NARS1: variants seen among roughly 807,000 people sequenced by gnomAD.
NARS1 encodes asparagine--tRNA ligase, cytoplasmic.
Under a neutral mutation model 79.2 loss-of-function variants are expected in NARS1, and 65 were observed. The ratio of observed to expected loss-of-function variants is 0.82; its 90% CI spans 0.67 to 1.01. The LOEUF is 1.01. Among genes scored for constraint, NARS1 ranks in the 50% least tolerant of loss-of-function variants. The probability of loss-of-function intolerance (pLI) is 0.00; values close to 1 mark genes in which losing one functional copy is unlikely to be tolerated. For synonymous variants in NARS1, 229 were observed against 238.8 expected, an observed-to-expected ratio of 0.96 and a Z score of 0.38; for missense variants, 649 against 673.8, an observed-to-expected ratio of 0.96 and a Z score of 0.41.
chr18:57,620,694 T>C (rs1376597044), intron 1 of NARS1, 43 bp from the exon 2 acceptor site: 5 of 1,201,068 alleles, frequency 4.2e-6, no homozygotes, highest in Non-Finnish European at 4.9e-6. Flanking sequence ...GGCCATTAAC[T>C]ATTAGTCACC....
In NARS1 at chr18:57,615,818, T is replaced by G; in HGVS notation, c.251A>C (p.Glu84Ala). Residue 84 changes from glutamate to alanine, a missense_variant and splice_region_variant, in exon 3 of 14, where the codon GAG (glutamate) becomes GCG (alanine). By Grantham distance (107) the Glu-to-Ala change is moderately radical (BLOSUM62 -1). Coordinates refer to ENST00000256854, the MANE Select transcript of NARS1 (RefSeq NM_004539.4). ...CACGATGGCAAGGTCAGGACTCACC[T>G]CTTTCTTTTCCCGGGATTCACTCTT... ...QMKSESREKK[E>A]AEDSLRREKN... 1.2e-6 allele frequency: 2 copies of G among 1,611,978 alleles called. No homozygotes were observed. The highest frequency in any genetic ancestry group is 1.1e-5 in the South Asian group (1 of 90,510).
chr18:57,621,348 G>GC (rs1908293936), intron 1 of NARS1, among the ~76,000 whole-genome samples: 1 of 150,446 alleles, frequency 6.6e-6, no homozygotes, highest in South Asian at 2.1e-4. Context: ...GAATCCTAAA[G>GC]CCCCTTCCTG....
chr18:57,603,753 TC>T (rs751425870), intron 11 of NARS1, among the ~76,000 whole-genome samples: 1 of 149,640 alleles, frequency 6.7e-6, no homozygotes, highest in Non-Finnish European at 1.5e-5. Context: ...AGCTCCAGGC[TC>T]TGGAGCCCTT....
chr18:57,621,619 T>A (rs1487330539), intron 1 of NARS1, 89 bp downstream of exon 1: 14 of 915,852 alleles, frequency 1.5e-5, no homozygotes, highest in Non-Finnish European at 2.3e-5. Flanking sequence ...CCCACTCTGG[T>A]AGGCACTAAG....
Position 57,602,338 on chromosome 18 carries a change from T to TA in NARS1, c.1515+16dup, listed in dbSNP as rs1568161892. 1 of 1,605,314 alleles carries TA rather than the reference T, an allele frequency of 6.2e-7. No homozygotes were observed. Among genetic ancestry groups the TA allele is most frequent in the South Asian group, 1.1e-5 (1 of 89,398 alleles). ...ACAGTGGAAAAAAATGTTGAGTACT[T>TA]AAAAAATTGGTTTTACCTGATCCGT... On this transcript the variant is annotated intron_variant, in intron 13 of 13. Coordinates refer to ENST00000256854, the MANE Select transcript of NARS1 (RefSeq NM_004539.4).
Position 57,620,589 on chromosome 18 carries a change from G to A in NARS1, c.73C>T (p.Pro25Ser). 6.2e-7 allele frequency: 1 copy of A among 1,612,436 alleles called. No homozygotes were observed. Among genetic ancestry groups the A allele is most frequent in the Non-Finnish European group, 8.5e-7 (1 of 1,179,040 alleles). The part of the protein sequence containing the change: ...DATGDGTKEK[P>S]FKTGLKALMT... ...TCTACCTTTAGACCTGTTTTAAATG[G>A]TTTCTCCTTGGTTCCATCTCCCGTG... The change falls in exon 2 of 14, where the codon CCA becomes TCA. Residue 25 changes from proline to serine, a missense_variant. Pro to Ser is a moderately conservative substitution (Grantham distance 74, BLOSUM62 -1). Transcript: ENST00000256854.
At chr18:57,606,539 C>T (rs2051558607) in intron 10 of NARS1, 77 bp downstream of exon 10, 2 of 1,448,594 alleles carry the variant, frequency 1.4e-6, no homozygotes, top group Non-Finnish European at 1.9e-6. Flanking sequence ...ATCAAATCTA[C>T]AAAAACTGAG....
At position 57,609,453 on chromosome 18, in the gene NARS1, G is replaced by C. The variant is rs201778059; in HGVS notation, c.493-10C>G. On this transcript the variant is annotated splice_polypyrimidine_tract_variant and intron_variant, in intron 6 of 13. Transcript: ENST00000256854. ...CATTGTAGCACTGACACTATAAAAA[G>C]GTCAAAGCTCAAATTTAGTTATTCA... 1.3e-4 allele frequency: 205 copies of C among 1,605,330 alleles called. No homozygotes were observed. The highest frequency in any genetic ancestry group is 2.0e-4 in the Admixed American group (12 of 59,112).
Sources: gnomAD v4.1 joint callset for allele counts (sites outside exome capture counted in the v4.1 genomes callset) on GRCh38, gnomAD v4.1.1 for gene constraint, MANE v1.5 for transcripts, NCBI Gene and HGNC (gene_info 2026-07-23, HGNC 2026-07-21) for gene names.